Variants in ADGRL2 observed in about 807,000 individuals in gnomAD.
ADGRL2 encodes calcium-independent alpha-latrotoxin receptor 2.
A neutral mutation model predicts 157.4 loss-of-function variants in ADGRL2; 44 were observed. That is an observed-to-expected ratio of 0.28 (90% CI 0.22 to 0.36). The LOEUF (loss-of-function observed/expected upper bound fraction) is 0.36. Ranked by LOEUF, ADGRL2 falls within the 10% of genes least tolerant of loss-of-function variation. The probability of loss-of-function intolerance (pLI) is 1.00; values close to 1 mark genes in which losing one functional copy is unlikely to be tolerated. For synonymous variants in ADGRL2, 585 were observed against 624.7 expected (o/e 0.94, Z 0.95); for missense variants, 1,510 against 1,768.9 (o/e 0.85, Z 2.63).
chr1:81,384,655 T>C lies in ADGRL2; in HGVS notation c.-301-60381T>C, dbSNP rs74949227. Among the ~76,000 whole-genome samples, 405 of 152,312 alleles carry C rather than the reference T, an allele frequency of 2.7e-3. 2 individuals are homozygous for C. The highest frequency in any genetic ancestry group is 9.3e-3 in the African/African-American group (387 of 41,572). Reference sequence around the variant, plus strand: ...ACTATCACGATAATTTTATACATCATGTGTTTTTAAGGAAGTTTTACTGGT... The same window carrying C: ...ACTATCACGATAATTTTATACATCACGTGTTTTTAAGGAAGTTTTACTGGT... On this transcript the variant is annotated intron_variant, in intron 1 of 24. Coordinates refer to the ADGRL2 transcript ENST00000370721.
At chr1:81,333,035 C>T (rs565609528) in intron 1 of ADGRL2, among the ~76,000 whole-genome samples, 1 of 152,236 alleles carries the variant, frequency 6.6e-6, no homozygotes, top group African/African-American at 2.4e-5. Flanking sequence ...ACCATCTGGT[C>T]GTATAACTTT....
intron 1 of ADGRL2, among the ~76,000 whole-genome samples, chr1:81,339,196 G>A (rs1280248462): frequency 1.3e-5 from 2 of 152,162 alleles, no homozygotes; most frequent in Admixed American, 6.5e-5. Context: ...CTTTGCAACA[G>A]GCCTATAGGG....
At chr1:81,736,875 T>C (rs138419507) in intron 1 of ADGRL2, among the ~76,000 whole-genome samples, 2,006 of 152,192 alleles carry the variant, frequency 0.013, 44 homozygotes, top group African/African-American at 0.046. Flanking sequence ...CACTCTGTTG[T>C]CCAGGCTGGA....
chr1:81,642,650 C>G (rs1476651303), intron 3 of ADGRL2, among the ~76,000 whole-genome samples: 23 of 152,102 alleles, frequency 1.5e-4, no homozygotes, highest in Admixed American at 1.2e-3. Context: ...AGACAAATCT[C>G]TCACATGAAC....
chr1:81,932,165 T>C (rs1200287208), intron 3 of ADGRL2, among the ~76,000 whole-genome samples: 1 of 152,212 alleles, frequency 6.6e-6, no homozygotes, highest in East Asian at 1.9e-4. Context: ...TAGAACATAG[T>C]ATATTTTTAC....
At chr1:81,430,101 C>G (rs1308171263) in intron 1 of ADGRL2, among the ~76,000 whole-genome samples, 2 of 152,126 alleles carry the variant, frequency 1.3e-5, no homozygotes, top group Non-Finnish European at 2.9e-5. Flanking sequence ...CCATGTTGGT[C>G]AGGCTGGTTT....
chr1:81,477,571 A>C (rs1169756769), intron 2 of ADGRL2, among the ~76,000 whole-genome samples: 2 of 152,216 alleles, frequency 1.3e-5, no homozygotes, highest in Non-Finnish European at 2.9e-5. Context: ...AATGTAGACT[A>C]CACAGACTCC....
intron 1 of ADGRL2, among the ~76,000 whole-genome samples, chr1:81,820,002 A>G (rs2090820753): frequency 6.6e-6 from 1 of 152,118 alleles, no homozygotes; most frequent in African/African-American, 2.4e-5. Flanking sequence ...ACGTGGGGAA[A>G]TTTCCCTGCT....
intron 3 of ADGRL2, among the ~76,000 whole-genome samples, chr1:81,653,316 T>A (rs1171527357): frequency 1.1e-5 from 1 of 88,796 alleles, no homozygotes; most frequent in African/African-American, 4.9e-5. Context: ...GATAAACCTT[T>A]AGGGTTTTTT....
chr1:81,814,590 T>C (rs1354790736), intron 1 of ADGRL2, among the ~76,000 whole-genome samples: 1 of 151,384 alleles, frequency 6.6e-6, no homozygotes, highest in African/African-American at 2.4e-5. Flanking sequence ...TGGAAAAAAA[T>C]ATTTTAAATT....
At chr1:81,621,117 T>C (rs1030763653) in intron 3 of ADGRL2, among the ~76,000 whole-genome samples, 6 of 152,172 alleles carry the variant, frequency 3.9e-5, no homozygotes, top group African/African-American at 1.4e-4. Context: ...TTCTGGAAGC[T>C]GAAGTGCTTT....
At chr1:81,501,982 T>C in intron 2 of ADGRL2, 1 of 1,612,746 alleles carries the variant, frequency 6.2e-7, no homozygotes, top group African/African-American at 1.3e-5. Flanking sequence ...CTCCCTTAGG[T>C]CCCTTAGCCA....
rs148805265 is a variant in ADGRL2, at chr1:81,777,616, A to G, written c.-101+15764A>G. 2.8e-3 allele frequency among the ~76,000 whole-genome samples: 421 copies of G among 152,268 alleles called. 1 individual carries two copies. The highest frequency in any genetic ancestry group is 5.2e-3 in the Non-Finnish European group (353 of 68,030). ...TGAAAACCCATCTCTACAAAAAATTAGCCCGGTGTCATGGCACATGCCTGT... is the reference window on the plus strand; with the variant it reads ...TGAAAACCCATCTCTACAAAAAATTGGCCCGGTGTCATGGCACATGCCTGT... On this transcript the variant is annotated intron_variant, in intron 2 of 20. Transcript: ENST00000359929.
At chr1:81,568,157 T>C (rs577932374) in intron 2 of ADGRL2, among the ~76,000 whole-genome samples, 16 of 152,244 alleles carry the variant, frequency 1.1e-4, no homozygotes, top group Admixed American at 2.0e-4. Context: ...TATATAGTGG[T>C]GTTTTCCACT....
intron 1 of ADGRL2, among the ~76,000 whole-genome samples, chr1:81,384,038 A>G (rs761337302): frequency 1.3e-5 from 2 of 152,100 alleles, no homozygotes; most frequent in Non-Finnish European, 2.9e-5. Context: ...AACAAGGTCT[A>G]TCCAAACTAG....
At chr1:81,659,010 C>G (rs926406376) in intron 3 of ADGRL2, among the ~76,000 whole-genome samples, 1 of 150,976 alleles carries the variant, frequency 6.6e-6, no homozygotes, top group Non-Finnish European at 1.5e-5. Flanking sequence ...CCTTGGCCTC[C>G]CAAAGTGCTG....
At chr1:81,409,542 A>C (rs2076914212) in intron 1 of ADGRL2, among the ~76,000 whole-genome samples, 1 of 152,204 alleles carries the variant, frequency 6.6e-6, no homozygotes. Flanking sequence ...CTGAGCTCCC[A>C]GTGACTTCAA....
intron 2 of ADGRL2, among the ~76,000 whole-genome samples, chr1:81,879,292 A>ATT (rs2093923434): frequency 1.3e-5 from 2 of 152,100 alleles, no homozygotes; most frequent in African/African-American, 4.8e-5. Context: ...GGAAAAAAAA[A>ATT]ATCTCAGAAT....
chr1:81,872,477 A>G (rs1214208890), intron 2 of ADGRL2, among the ~76,000 whole-genome samples: 2 of 152,158 alleles, frequency 1.3e-5, no homozygotes, highest in Non-Finnish European at 2.9e-5. Flanking sequence ...AAATAAAACT[A>G]TACTTTACAG....
Sources: gnomAD v4.1 joint callset for allele counts (sites outside exome capture counted in the v4.1 genomes callset) on GRCh38, gnomAD v4.1.1 for gene constraint, MANE v1.5 for transcripts, NCBI Gene and HGNC (gene_info 2026-07-23, HGNC 2026-07-21) for gene names.